The following PARPBP variants were observed in gnomAD, a reference collection of about 807,000 sequenced individuals.
PARPBP encodes PCNA-interacting partner.
PARPBP carries 52 observed loss-of-function variants against 50.0 expected under a neutral mutation model. The ratio of observed to expected loss-of-function variants is 1.04; its 90% CI spans 0.83 to 1.31. The LOEUF is 1.31. Ranked by LOEUF, PARPBP falls within the 50% of genes most tolerant of loss-of-function variation. PARPBP has a pLI of 0.00. For synonymous variants in PARPBP, 244 were observed against 232.1 expected (o/e 1.05, Z -0.47); for missense variants, 697 against 672.0 (o/e 1.04, Z -0.41).
At chr12:102,132,315 A>T (rs961549146) in intron 2 of PARPBP, among the ~76,000 whole-genome samples, 7 of 152,208 alleles carry the variant, frequency 4.6e-5, no homozygotes, top group Admixed American at 2.6e-4. Context: ...AAAAGAAAAA[A>T]ATCCATTTTG....
chr12:102,167,307 CATTT>C (rs1419213960), intron 6 of PARPBP, among the ~76,000 whole-genome samples: 1 of 152,140 alleles, frequency 6.6e-6, no homozygotes, highest in Admixed American at 6.5e-5. Context: ...TGTCATGTTT[CATTT>C]ATTTCTCTAA....
intron 2 of PARPBP, among the ~76,000 whole-genome samples, chr12:102,137,299 A>G (rs1883790017): frequency 6.6e-6 from 1 of 152,146 alleles, no homozygotes. Context: ...TATAATTCTT[A>G]CAGCTGAATT....
intron 4 of PARPBP, among the ~76,000 whole-genome samples, chr12:102,162,117 T>A (rs1437211762): frequency 2.0e-5 from 3 of 152,248 alleles, no homozygotes; most frequent in African/African-American, 7.2e-5. Context: ...CTTTTGAATT[T>A]ATTTTAAGGT....
chr12:102,154,924 C>T (rs1213305911), intron 4 of PARPBP: 5 of 418,956 alleles, frequency 1.2e-5, no homozygotes, highest in Non-Finnish European at 2.3e-5. Context: ...TATGAGACGT[C>T]ATCTACATAA....
At chr12:102,157,451 CTT>C (rs200216801) in intron 4 of PARPBP, among the ~76,000 whole-genome samples, 3 of 145,328 alleles carry the variant, frequency 2.1e-5, no homozygotes, top group Admixed American at 6.8e-5. Flanking sequence ...TTCCCCTAAT[CTT>C]TTTTTTTTTT....
intron 2 of PARPBP, among the ~76,000 whole-genome samples, chr12:102,135,536 CAAAAAAAAAAAAA>C (rs34890863): frequency 2.0e-5 from 1 of 50,542 alleles, no homozygotes; most frequent in Non-Finnish European, 4.1e-5. Flanking sequence ...ACTCCGTCTC[CAAAAAAAAAAAAA>C]AAAAAAAAAA....
intron 3 of PARPBP, among the ~76,000 whole-genome samples, chr12:102,153,184 T>G (rs913874924): frequency 6.6e-6 from 1 of 152,164 alleles, no homozygotes; most frequent in African/African-American, 2.4e-5. Context: ...ACGACAGCTT[T>G]GATCCCCTAT....
chr12:102,120,738 G>A (rs1158881684), intron 1 of PARPBP, among the ~76,000 whole-genome samples: 3 of 152,156 alleles, frequency 2.0e-5, no homozygotes, highest in African/African-American at 7.2e-5. Context: ...GGCACTAGGT[G>A]GGTTATGTAC....
chr12:102,166,228 T>C (rs1049916464), intron 6 of PARPBP, among the ~76,000 whole-genome samples: 5 of 152,176 alleles, frequency 3.3e-5, no homozygotes, highest in Middle Eastern at 3.2e-3. Context: ...GAAACTGATA[T>C]CAAGAATGAG....
chr12:102,177,943 C>G (rs1889442273), intron 7 of PARPBP, among the ~76,000 whole-genome samples: 2 of 152,152 alleles, frequency 1.3e-5, no homozygotes, highest in African/African-American at 4.8e-5. Context: ...TCTTTGATGC[C>G]AGGGTACATT....
At chr12:102,153,018 A>C (rs1476845318) in intron 3 of PARPBP, among the ~76,000 whole-genome samples, 2 of 152,058 alleles carry the variant, frequency 1.3e-5, no homozygotes, top group Non-Finnish European at 2.9e-5. Flanking sequence ...ATTTGATATA[A>C]ATATATTTGT....
chr12:102,124,383 A>G (rs1428290856), intron 2 of PARPBP, among the ~76,000 whole-genome samples: 1 of 152,216 alleles, frequency 6.6e-6, no homozygotes, highest in Non-Finnish European at 1.5e-5. Context: ...TTTAAAAACT[A>G]CTGGCTCTTG....
At chr12:102,124,779 A>G (rs1881708534) in intron 2 of PARPBP, among the ~76,000 whole-genome samples, 1 of 152,194 alleles carries the variant, frequency 6.6e-6, no homozygotes, top group Non-Finnish European at 1.5e-5. Flanking sequence ...TAGATATTGA[A>G]ATGACATTCT....
chr12:102,155,021 C>T (rs1412597830), intron 4 of PARPBP: 3 of 315,384 alleles, frequency 9.5e-6, no homozygotes, highest in Non-Finnish European at 1.9e-5. Flanking sequence ...ATTCTTTCAA[C>T]CAATTGCTTG....
rs1399442672 is a variant in PARPBP, at chr12:102,156,057, C to T, written c.495+2081C>T. Reference sequence around the variant, plus strand: ...ATCTGTGAGGCCAAGAACCCCAGGTCAGAGAACAAGAGGCTTGCTGCCATC... The same window carrying T: ...ATCTGTGAGGCCAAGAACCCCAGGTTAGAGAACAAGAGGCTTGCTGCCATC... On this transcript the variant is annotated intron_variant, in intron 4 of 10. Coordinates refer to ENST00000327680, the MANE Select transcript of PARPBP (RefSeq NM_017915.5). Among the ~76,000 whole-genome samples the T allele has an allele frequency of 4.0e-5, 6 of 151,890 alleles. No homozygotes were observed. The East Asian group carries it at 1.2e-3, about 29-fold the overall frequency.
intron 6 of PARPBP, 95 bp downstream of exon 6, chr12:102,165,978 A>C: frequency 2.5e-6 from 2 of 788,192 alleles, no homozygotes; most frequent in Non-Finnish European, 4.1e-6. Flanking sequence ...ATGACCAAGC[A>C]TCAGACCAAA....
At chr12:102,188,220 G>A (rs1890480343) in intron 9 of PARPBP, among the ~76,000 whole-genome samples, 1 of 151,328 alleles carries the variant, frequency 6.6e-6, no homozygotes, top group Admixed American at 6.6e-5. Flanking sequence ...AAACCACCTT[G>A]ATTCCACTTG....
intron 9 of PARPBP, among the ~76,000 whole-genome samples, chr12:102,190,152 A>G (rs988730995): frequency 6.6e-6 from 1 of 152,192 alleles, no homozygotes; most frequent in Non-Finnish European, 1.5e-5. Context: ...TGATACAAGC[A>G]TACAATTATC....
rs983577065 is a variant in PARPBP at position 102,148,620 on chromosome 12, A to C, written c.387+157A>C. On this transcript the variant is annotated intron_variant, in intron 3 of 10. Transcript: ENST00000327680. Reference sequence around the variant, plus strand: ...TTTAGCTACCTGAAAGCTACTTATTACTTGAAAGAAAGATTTTGTGGTAAA... The same window carrying C: ...TTTAGCTACCTGAAAGCTACTTATTCCTTGAAAGAAAGATTTTGTGGTAAA... The C allele has an allele frequency of 1.5e-5, 7 of 458,264 alleles. No homozygotes were observed. In the East Asian group the frequency reaches 2.4e-4, roughly 16 times the overall value. 28.4% of individuals were successfully genotyped at this position (458,264 alleles called of 1,614,324 possible). A position where few individuals can be genotyped will look rare whatever the true frequency, so the allele number is the denominator to read the frequency against.
Sources: gnomAD v4.1 joint callset for allele counts (sites outside exome capture counted in the v4.1 genomes callset) on GRCh38, gnomAD v4.1.1 for gene constraint, MANE v1.5 for transcripts, NCBI Gene and HGNC (gene_info 2026-07-23, HGNC 2026-07-21) for gene names.